The following DPY19L2 variants were observed in gnomAD, a reference collection of about 807,000 sequenced individuals.
DPY19L2 encodes the protein dpy-19 like 2, also known as probable C-mannosyltransferase DPY19L2.
A neutral mutation model predicts 97.9 loss-of-function variants in DPY19L2; 34 were observed. That is an observed-to-expected ratio of 0.35 (90% CI 0.26 to 0.46). DPY19L2 has a LOEUF of 0.46. Ranked by LOEUF, DPY19L2 falls within the 20% of genes least tolerant of loss-of-function variation. The pLI, the probability that DPY19L2 is intolerant of heterozygous loss-of-function variation, is 1.00. For missense variants in DPY19L2, 623 were observed against 911.4 expected (o/e 0.68, Z 4.07); for synonymous variants, 230 against 307.9 (o/e 0.75, Z 2.65).
intron 19 of DPY19L2, among the ~76,000 whole-genome samples, chr12:63,579,689 A>C (rs539883660): frequency 1.3e-5 from 2 of 152,248 alleles, no homozygotes; most frequent in Admixed American, 1.3e-4. Flanking sequence ...GATTACCTTG[A>C]GCTCCTATGT....
chr12:63,564,424 G>A (rs1194208153), intron 21 of DPY19L2, among the ~76,000 whole-genome samples: 1 of 152,092 alleles, frequency 6.6e-6, no homozygotes, highest in African/African-American at 2.4e-5. Context: ...GCGGGATGGT[G>A]TTCTCATCTT....
At chr12:63,586,540 G>A (rs1881828979) in intron 16 of DPY19L2, among the ~76,000 whole-genome samples, 1 of 152,194 alleles carries the variant, frequency 6.6e-6, no homozygotes, top group Non-Finnish European at 1.5e-5. Flanking sequence ...TAGGTACAGA[G>A]CCTGAGTACG....
At chr12:63,617,279 C>G (rs370339769) in intron 11 of DPY19L2, 25 bp downstream of exon 11, 1 of 1,538,350 alleles carries the variant, frequency 6.5e-7, no homozygotes, top group Non-Finnish European at 8.9e-7. Flanking sequence ...TTAAAAAAAA[C>G]CAACTTTATG....
At chr12:63,644,556 A>T in intron 5 of DPY19L2, 60 bp from the exon 6 acceptor site, 3 of 1,580,198 alleles carry the variant, frequency 1.9e-6, no homozygotes, top group Admixed American at 1.9e-5. Context: ...GCAATTGGGC[A>T]TAATTATCTC....
chr12:63,581,843 T>C (rs554484017), intron 18 of DPY19L2, among the ~76,000 whole-genome samples: 1 of 149,268 alleles, frequency 6.7e-6, no homozygotes, highest in East Asian at 2.0e-4. Flanking sequence ...CTCTGTCACC[T>C]AGGTTAGAGT....
intron 16 of DPY19L2, among the ~76,000 whole-genome samples, chr12:63,586,627 AAT>A (rs1464649467): frequency 1.4e-4 from 21 of 152,280 alleles, no homozygotes; most frequent in East Asian, 7.7e-4. Context: ...CTCATCTGCA[AAT>A]AATGGGAATA....
Position 63,633,764 on chromosome 12 carries a change from C to G in DPY19L2, c.804-7238G>C, listed in dbSNP as rs565208284. Among the ~76,000 whole-genome samples, 639 of 152,214 alleles carry G rather than the reference C, an allele frequency of 4.2e-3. 10 individuals carry two copies. Among genetic ancestry groups the G allele is most frequent in the African/African-American group, 0.015 (604 of 41,522 alleles). Reference sequence around the variant, plus strand: ...ATGCTGCTGTAAAGACACATGCACACGTATGTTTATTGTGGCACTATTCAC... The same window carrying G: ...ATGCTGCTGTAAAGACACATGCACAGGTATGTTTATTGTGGCACTATTCAC... On this transcript the variant is annotated intron_variant, in intron 6 of 21. Transcript: ENST00000324472.
chr12:63,639,709 C>T lies in DPY19L2; in HGVS notation c.803+4694G>A, dbSNP rs570626907. Among the ~76,000 whole-genome samples the T allele has an allele frequency of 2.2e-3, 339 of 152,058 alleles. 1 individual carries two copies. In the East Asian group the frequency reaches 0.024, roughly 11 times the overall value. ...TAAAAAGTCAGGAAACAACAGGTGC[C>T]GGAGAGGATGTGGAGAAATAGGAAC... On this transcript the variant is annotated intron_variant, in intron 6 of 21. Transcript: ENST00000324472.
chr12:63,632,978 T>G (rs1415103234), intron 6 of DPY19L2, among the ~76,000 whole-genome samples: 1 of 152,130 alleles, frequency 6.6e-6, no homozygotes, highest in African/African-American at 2.4e-5. Flanking sequence ...GATTCCCTAT[T>G]TAATAAATGA....
chr12:63,577,752 C>T (rs1222774706), intron 19 of DPY19L2, among the ~76,000 whole-genome samples: 5 of 152,018 alleles, frequency 3.3e-5, no homozygotes, highest in Non-Finnish European at 7.4e-5. Flanking sequence ...GTTAAAATGG[C>T]TATTATTCAA....
At chr12:63,566,026 T>C (rs930604459) in intron 21 of DPY19L2, among the ~76,000 whole-genome samples, 2 of 152,134 alleles carry the variant, frequency 1.3e-5, no homozygotes, top group African/African-American at 4.8e-5. Context: ...TTTACTCACA[T>C]GATATCTTTT....
At chr12:63,639,584 A>T (rs147273721) in intron 6 of DPY19L2, among the ~76,000 whole-genome samples, 2,760 of 152,338 alleles carry the variant, frequency 0.018, 41 homozygotes, top group Non-Finnish European at 0.029. Context: ...TATGCAGCCA[A>T]CAGACATATG....
intron 6 of DPY19L2, among the ~76,000 whole-genome samples, chr12:63,642,886 A>G (rs923784563): frequency 6.6e-6 from 1 of 152,132 alleles, no homozygotes; most frequent in Non-Finnish European, 1.5e-5. Context: ...TCAAGTCTTC[A>G]ATCAATGAAC....
chr12:63,593,210 A>G (rs1361761292), intron 16 of DPY19L2, among the ~76,000 whole-genome samples: 1 of 152,072 alleles, frequency 6.6e-6, no homozygotes, highest in African/African-American at 2.4e-5. Context: ...AACTAGTTCA[A>G]CCCTTGTGGA....
intron 4 of DPY19L2, among the ~76,000 whole-genome samples, chr12:63,650,741 A>G (rs576306916): frequency 6.6e-6 from 1 of 152,198 alleles, no homozygotes; most frequent in African/African-American, 2.4e-5. Flanking sequence ...GGAAGATTCA[A>G]TATTGTTAAA....
chr12:63,592,759 C>A (rs1883353410), intron 16 of DPY19L2, among the ~76,000 whole-genome samples: 1 of 151,422 alleles, frequency 6.6e-6, no homozygotes, highest in South Asian at 2.1e-4. Flanking sequence ...ACACCAAAAG[C>A]AATGGCAACA....
At chr12:63,603,205 C>T (rs1007394518) in intron 12 of DPY19L2, among the ~76,000 whole-genome samples, 1 of 151,998 alleles carries the variant, frequency 6.6e-6, no homozygotes. Context: ...ACTTAAAAAT[C>T]TAAATAAAGA....
In DPY19L2 at chr12:63,661,796, T is replaced by C. The variant is rs1210567515; in HGVS notation, c.451-315A>G. ...TGTTTGATTTTCCCAAATCTGGTTTTATCCCCCACATTTGAGATGCTTGAA... is the reference window on the plus strand; with the variant it reads ...TGTTTGATTTTCCCAAATCTGGTTTCATCCCCCACATTTGAGATGCTTGAA... On this transcript the variant is annotated intron_variant, in intron 3 of 21. Transcript: ENST00000324472. Among the ~76,000 whole-genome samples the C allele has an allele frequency of 2.6e-5, 4 of 152,282 alleles. No homozygotes were observed. The East Asian group carries it at 5.8e-4, about 22-fold the overall frequency.
At chr12:63,588,312 G>A (rs1358793202) in intron 16 of DPY19L2, among the ~76,000 whole-genome samples, 2 of 152,088 alleles carry the variant, frequency 1.3e-5, no homozygotes, top group Non-Finnish European at 2.9e-5. Context: ...CCTTTTTTCA[G>A]AATTATGCTA....
Sources: allele counts gnomAD v4.1 joint callset (sites outside exome capture counted in the v4.1 genomes callset), GRCh38; gene constraint gnomAD v4.1.1; transcripts MANE v1.5; gene names NCBI Gene and HGNC (gene_info 2026-07-23, HGNC 2026-07-21).